BRCA1: variants seen among roughly 807,000 people sequenced by gnomAD.
BRCA1 encodes the protein BRCA1 DNA repair associated.
BRCA1 carries 140 observed loss-of-function variants against 173.7 expected under a neutral mutation model. That is an observed-to-expected ratio of 0.81 (90% CI 0.70 to 0.93). The LOEUF (loss-of-function observed/expected upper bound fraction) is 0.93. BRCA1 is among the 40% of genes least tolerant of loss of function. BRCA1 has a pLI of 0.00. For missense variants in BRCA1, 1,983 were observed against 2,172.5 expected (o/e 0.91, Z 1.73); for synonymous variants, 662 against 756.0 (o/e 0.88, Z 2.04).
At position 43,142,976 on chromosome 17, in the gene BRCA1, G is replaced by GTATATATGTATATA. The variant is rs1478052801; in HGVS notation, c.-19-18862_-19-18861insTATATACATATATA. Among the ~76,000 whole-genome samples, 148 of 129,322 alleles carry GTATATATGTATATA rather than the reference G, an allele frequency of 1.1e-3. 1 individual carries two copies. Among genetic ancestry groups the GTATATATGTATATA allele is most frequent in the Non-Finnish European group, 2.2e-3 (128 of 58,608 alleles). The allele number at this position is 129,322 out of a possible 152,430, so 84.8% of individuals were successfully genotyped here. On this transcript the variant is annotated intron_variant, in intron 1 of 7. Transcript: ENST00000634433. ...TGTGTGTGTGTGTGTGTATATATAT[G>GTATATATGTATATA]TGTGTATATATATATGTATATATGT... is the stretch of plus-strand genomic sequence containing the variant.
At chr17:43,086,111 C>CAT (rs1257679414) in intron 11 of BRCA1, among the ~76,000 whole-genome samples, 35 of 137,898 alleles carry the variant, frequency 2.5e-4, no homozygotes, top group African/African-American at 8.4e-4. Context: ...CACATACATA[C>CAT]ACACACACAC....
chr17:43,124,415 T>C (rs1253624334), intron 1 of BRCA1, among the ~76,000 whole-genome samples: 1 of 152,170 alleles, frequency 6.6e-6, no homozygotes, highest in Non-Finnish European at 1.5e-5. Context: ...GGTGGTAGCC[T>C]TAGCTTTCTC....
chr17:43,108,742 C>T (rs974018702), intron 3 of BRCA1, among the ~76,000 whole-genome samples: 49 of 141,978 alleles, frequency 3.5e-4, no homozygotes, highest in African/African-American at 1.2e-3. Flanking sequence ...AGGCCAGGAG[C>T]GGTGGCTCAC....
chr17:43,151,839 T>C (rs1179293438), intron 1 of BRCA1, among the ~76,000 whole-genome samples: 1 of 152,202 alleles, frequency 6.6e-6, no homozygotes, highest in Non-Finnish European at 1.5e-5. Flanking sequence ...AAGGTTGCAA[T>C]GAGCTATGGT....
At chr17:43,089,491 T>C (rs1051257471) in intron 11 of BRCA1, among the ~76,000 whole-genome samples, 1 of 152,022 alleles carries the variant, frequency 6.6e-6, no homozygotes, top group Non-Finnish European at 1.5e-5. Context: ...ATTTATTTCA[T>C]AGGTGACCAA....
intron 15 of BRCA1, among the ~76,000 whole-genome samples, 195 bp from the exon 16 acceptor site, chr17:43,067,890 T>TAAAAAAA (rs71157702): frequency 3.0e-3 from 151 of 49,834 alleles, no homozygotes; most frequent in African/African-American, 3.2e-3. Context: ...AGGCTGGAGG[T>TAAAAAAA]AAAAAAAAAA....
At chr17:43,065,859 G>A (rs893136990) in intron 16 of BRCA1, among the ~76,000 whole-genome samples, 1 of 152,032 alleles carries the variant, frequency 6.6e-6, no homozygotes, top group Admixed American at 6.6e-5. Flanking sequence ...TTCTCTTCCG[G>A]GTAACGGTTC....
At chr17:43,153,542 C>T (rs1236065950) in intron 1 of BRCA1, 1 of 147,668 alleles carries the variant, frequency 6.8e-6, no homozygotes. Flanking sequence ...TATGCTTCCC[C>T]CTGCACAGAT....
intron 21 of BRCA1, 78 bp from the exon 22 acceptor site, chr17:43,047,781 T>C: frequency 6.5e-7 from 1 of 1,532,774 alleles, no homozygotes; most frequent in Non-Finnish European, 9.0e-7. Context: ...ATTTTTTTTG[T>C]TTGTTTTTGA....
At chr17:43,105,664 G>A (rs2154553667) in intron 4 of BRCA1, among the ~76,000 whole-genome samples, 1 of 152,260 alleles carries the variant, frequency 6.6e-6, no homozygotes, top group East Asian at 1.9e-4. Flanking sequence ...TCCAAAGGGA[G>A]ATTTGGGTTT....
intron 8 of BRCA1, 52 bp from the exon 9 acceptor site, chr17:43,095,974 G>C (rs2154515830): frequency 2.1e-6 from 3 of 1,427,804 alleles, no homozygotes; most frequent in Non-Finnish European, 3.0e-6. Context: ...CATGTATGCA[G>C]AACTGTCAAA....
rs2051086346 is a variant in BRCA1, at chr17:43,049,163, A to G, written c.5364T>C (p.Gly1788=). ...ATGAAAGCTCCTTCACCACAGAAGC[A>G]CCACACAGCTGTACCATCCATTCCA... ...DQLEWMVQLC[G]ASVVKELSSF... The change falls in exon 21 of 23, where the codon GGT becomes GGC. Residue 1788 remains glycine, a synonymous_variant. Transcript: ENST00000357654. The G allele has an allele frequency of 6.2e-7, 1 of 1,614,154 alleles. No individual in the cohort carries two copies. Among genetic ancestry groups the G allele is most frequent in the Non-Finnish European group, 8.5e-7 (1 of 1,179,994 alleles).
At position 43,045,819 on chromosome 17, in the gene BRCA1, C is replaced by T. The variant is rs80358176; in HGVS notation, c.5468-17G>A. 6.2e-7 allele frequency: 1 copy of T among 1,607,022 alleles called. No homozygotes were observed. The highest frequency in any genetic ancestry group is 1.3e-5 in the African/African-American group (1 of 74,750). On this transcript the variant is annotated splice_polypyrimidine_tract_variant and intron_variant, in intron 22 of 22. Coordinates refer to ENST00000357654, the MANE Select transcript of BRCA1 (RefSeq NM_007294.4). ...GCCCAATTGCTGGAGACAGAGAACA[C>T]AAGCAGAGATTAGTGTCAATTCATT...
chr17:43,068,256 G>A (rs2052235287), intron 15 of BRCA1, among the ~76,000 whole-genome samples: 2 of 149,996 alleles, frequency 1.3e-5, no homozygotes, highest in African/African-American at 4.9e-5. Context: ...TAGCCTGGGC[G>A]AGAGTGCGAG....
intron 2 of BRCA1, among the ~76,000 whole-genome samples, chr17:43,123,062 A>C (rs1238931310): frequency 7.6e-6 from 1 of 132,350 alleles, no homozygotes; most frequent in Non-Finnish European, 1.7e-5. Flanking sequence ...ATCTCAAAAA[A>C]AGAAAAAAAA....
chr17:43,113,333 T>C (rs1292178148), intron 3 of BRCA1, among the ~76,000 whole-genome samples: 2 of 152,030 alleles, frequency 1.3e-5, no homozygotes, highest in Admixed American at 1.3e-4. Context: ...TATACACATA[T>C]GCAAAGTTAG....
chr17:43,148,886 T>G (rs562232314), intron 1 of BRCA1: 1 of 167,468 alleles, frequency 6.0e-6, no homozygotes, highest in Non-Finnish European at 1.5e-5. Context: ...ATCTACCTAA[T>G]GAGATAACTT....
chr17:43,133,289 G>T (rs932631023), intron 1 of BRCA1, among the ~76,000 whole-genome samples: 6 of 152,140 alleles, frequency 3.9e-5, no homozygotes, highest in Non-Finnish European at 8.8e-5. Context: ...ATTATTTAGG[G>T]CAGAGATTGT....
chr17:43,144,372 G>GA (rs1239216720), intron 1 of BRCA1, among the ~76,000 whole-genome samples: 1 of 152,194 alleles, frequency 6.6e-6, no homozygotes, highest in African/African-American at 2.4e-5. Flanking sequence ...GATCCTATGA[G>GA]AGGGGCCAGG....
Sources: gnomAD v4.1 joint callset for allele counts (sites outside exome capture counted in the v4.1 genomes callset) on GRCh38, gnomAD v4.1.1 for gene constraint, MANE v1.5 for transcripts, NCBI Gene and HGNC (gene_info 2026-07-23, HGNC 2026-07-21) for gene names.